The following KALRN variants were observed in gnomAD, a reference collection of about 807,000 sequenced individuals.
The protein encoded by KALRN is kalirin.
A neutral mutation model predicts 353.7 loss-of-function variants in KALRN; 70 were observed. The observed-to-expected ratio is 0.20, with a 90% CI of 0.16 to 0.24. The LOEUF (loss-of-function observed/expected upper bound fraction) is 0.24, where lower values mean the gene tolerates loss of function less well. KALRN is among the 10% of genes least tolerant of loss of function. The pLI is 1.00. For missense variants in KALRN, 2,791 were observed against 3,756.7 expected, an observed-to-expected ratio of 0.74 and a Z score of 6.72; for synonymous variants, 1,391 against 1,434.8, an observed-to-expected ratio of 0.97 and a Z score of 0.69.
intron 1 of KALRN, among the ~76,000 whole-genome samples, chr3:124,134,745 T>C (rs1041813183): frequency 6.6e-6 from 1 of 152,048 alleles, no homozygotes; most frequent in Admixed American, 6.6e-5. Flanking sequence ...CAAAAGAAGA[T>C]ACACAAATGG....
intron 1 of KALRN, among the ~76,000 whole-genome samples, chr3:124,089,016 C>T (rs2060964823): frequency 6.7e-6 from 1 of 149,902 alleles, no homozygotes; most frequent in Non-Finnish European, 1.5e-5. Flanking sequence ...GTGGAACACA[C>T]ACAGATTGTA....
intron 16 of KALRN, among the ~76,000 whole-genome samples, chr3:124,432,555 C>T (rs2093320753): frequency 6.6e-6 from 1 of 152,274 alleles, no homozygotes; most frequent in Non-Finnish European, 1.5e-5. Flanking sequence ...CAGCTCTTGG[C>T]CATACCTCCT....
At chr3:124,313,957 G>A (rs968575383) in intron 6 of KALRN, among the ~76,000 whole-genome samples, 1 of 152,186 alleles carries the variant, frequency 6.6e-6, no homozygotes, top group Non-Finnish European at 1.5e-5. Flanking sequence ...TCTAGTTCTA[G>A]ATCCTTGAGG....
Position 124,496,004 on chromosome 3 carries a change from TATATATATAC to T in KALRN, c.4833-305_4833-296del, listed in dbSNP as rs2063779216. 1.4e-4 allele frequency among the ~76,000 whole-genome samples: 7 copies of T among 49,502 alleles called. 1 individual carries two copies. The highest frequency in any genetic ancestry group is 2.3e-4 in the African/African-American group (2 of 8,594). The allele number at this position is 49,502 out of a possible 152,430, so 32.5% of individuals were successfully genotyped here. ...ATATATATATATATATATATATATA[TATATATATAC>T]ACACACATATATACATACATACACC... is the stretch of plus-strand genomic sequence containing the variant. On this transcript the variant is annotated intron_variant, in intron 32 of 59. Transcript: ENST00000682506.
chr3:124,304,126 A>AC (rs2077485624), intron 6 of KALRN, among the ~76,000 whole-genome samples: 1 of 81,364 alleles, frequency 1.2e-5, no homozygotes, highest in Non-Finnish European at 2.9e-5. Flanking sequence ...ATTTTGTTGT[A>AC]AACACACACA....
intron 33 of KALRN, 108 bp downstream of exon 33, chr3:124,496,521 A>G: frequency 1.3e-6 from 1 of 791,628 alleles, no homozygotes; most frequent in Non-Finnish European, 2.2e-6. Flanking sequence ...TACCTTCAGG[A>G]GCCAGTTGTC....
chr3:124,496,006 T>TATAC (rs2063781122), intron 32 of KALRN, among the ~76,000 whole-genome samples: 2 of 54,952 alleles, frequency 3.6e-5, no homozygotes, highest in Non-Finnish European at 6.1e-5. Context: ...TATATATATA[T>TATAC]ATATATACAC....
At chr3:124,168,886 A>G (rs1246830788) in intron 1 of KALRN, among the ~76,000 whole-genome samples, 2 of 152,194 alleles carry the variant, frequency 1.3e-5, no homozygotes, top group African/African-American at 4.8e-5. Context: ...ACATGGCACT[A>G]TTCTGGGAGC....
chr3:124,696,751 A>C (rs2062071791), intron 54 of KALRN, among the ~76,000 whole-genome samples: 2 of 152,182 alleles, frequency 1.3e-5, no homozygotes, highest in South Asian at 4.1e-4. Flanking sequence ...CATTAAGTAC[A>C]TCCACATTTT....
chr3:124,200,670 T>C (rs1038935195), intron 1 of KALRN, among the ~76,000 whole-genome samples: 3 of 152,296 alleles, frequency 2.0e-5, no homozygotes, highest in Non-Finnish European at 1.5e-5. Context: ...AGAGAATGCA[T>C]GCAAAAGTGA....
At position 124,434,544 on chromosome 3, in the gene KALRN, G is replaced by A. The variant is rs567878258; in HGVS notation, c.3048+19G>A. ...TGAACAGGTGAGGGAAAAGACTGTG[G>A]GGCTTGTGGGGCTGAGATTGCCAGG... On this transcript the variant is annotated intron_variant, in intron 17 of 59. Transcript: ENST00000682506. The A allele has an allele frequency of 1.2e-6, 2 of 1,610,680 alleles. No individual in the cohort carries two copies. Among genetic ancestry groups the A allele is most frequent in the South Asian group, 2.2e-5 (2 of 90,792 alleles).
chr3:124,523,025 C>A (rs1255514605), intron 33 of KALRN, among the ~76,000 whole-genome samples: 3 of 152,156 alleles, frequency 2.0e-5, no homozygotes, highest in Non-Finnish European at 4.4e-5. Flanking sequence ...TAACGTAATA[C>A]TTTTATAAGC....
rs1164841537 is a variant in KALRN at position 124,724,734 on chromosome 3, A to G, written c.*5264A>G. 2 of 152,196 alleles carry G rather than the reference A, an allele frequency of 1.3e-5. No individual in the cohort carries two copies. Among genetic ancestry groups the G allele is most frequent in the Non-Finnish European group, 2.9e-5 (2 of 68,018 alleles). 9.4% of individuals were successfully genotyped at this position (152,196 alleles called of 1,614,324 possible). On this transcript the variant is annotated 3_prime_UTR_variant, in exon 60 of 60. Coordinates refer to ENST00000682506, the MANE Select transcript of KALRN (RefSeq NM_001388419.1). ...AGTAGTAGAATACAGATTATCATAAAACATATTTTCTATGAAAGGCATTTC... is the reference window on the plus strand; with the variant it reads ...AGTAGTAGAATACAGATTATCATAAGACATATTTTCTATGAAAGGCATTTC...
chr3:124,408,945 A>G (rs1366285138), intron 13 of KALRN, among the ~76,000 whole-genome samples: 3 of 152,228 alleles, frequency 2.0e-5, no homozygotes, highest in Non-Finnish European at 4.4e-5. Context: ...TATCTCATCT[A>G]GCAGGAACAC....
At chr3:124,313,913 C>T (rs2078540867) in intron 6 of KALRN, among the ~76,000 whole-genome samples, 1 of 152,090 alleles carries the variant, frequency 6.6e-6, no homozygotes, top group African/African-American at 2.4e-5. Flanking sequence ...TAAGAGAATA[C>T]CTGAGTCATA....
chr3:124,116,304 T>G (rs2063454087), intron 1 of KALRN, among the ~76,000 whole-genome samples: 2 of 152,218 alleles, frequency 1.3e-5, no homozygotes, highest in African/African-American at 4.8e-5. Context: ...ACTTGGAGAA[T>G]GTGGCCTGTT....
At chr3:124,531,266 C>T (rs771895206) in intron 33 of KALRN, among the ~76,000 whole-genome samples, 1 of 152,114 alleles carries the variant, frequency 6.6e-6, no homozygotes, top group Non-Finnish European at 1.5e-5. Flanking sequence ...AGAATGACTA[C>T]CTTAGCAGTT....
intron 34 of KALRN, among the ~76,000 whole-genome samples, chr3:124,583,362 T>C (rs2074813203): frequency 7.8e-6 from 1 of 128,548 alleles, no homozygotes; most frequent in African/African-American, 2.8e-5. Flanking sequence ...AGTAATACAG[T>C]GGTTCATGGA....
intron 34 of KALRN, among the ~76,000 whole-genome samples, chr3:124,581,617 G>C (rs1176625214): frequency 6.6e-6 from 1 of 152,126 alleles, no homozygotes; most frequent in Non-Finnish European, 1.5e-5. Context: ...CAAGAGGGAA[G>C]ATTTGAGTAA....
Sources: gnomAD v4.1 joint callset for allele counts (sites outside exome capture counted in the v4.1 genomes callset) on GRCh38, gnomAD v4.1.1 for gene constraint, MANE v1.5 for transcripts, NCBI Gene and HGNC (gene_info 2026-07-23, HGNC 2026-07-21) for gene names.